Variants in PGBD5 observed in about 807,000 individuals in gnomAD.
PGBD5 encodes piggyBac transposable element-derived protein 5.
Under a neutral mutation model 47.9 loss-of-function variants are expected in PGBD5, and 14 were observed. The ratio of observed to expected loss-of-function variants is 0.29; its 90% CI spans 0.19 to 0.46. The LOEUF is 0.46. Ranked by LOEUF, PGBD5 falls within the 20% of genes least tolerant of loss-of-function variation. The pLI, the probability that PGBD5 is intolerant of heterozygous loss-of-function variation, is 1.00. For synonymous variants in PGBD5, 316 were observed against 306.3 expected, an observed-to-expected ratio of 1.03 and a Z score of -0.33; for missense variants, 635 against 716.0, an observed-to-expected ratio of 0.89 and a Z score of 1.29.
chr1:230,365,201 T>C (rs1667808328), intron 1 of PGBD5, among the ~76,000 whole-genome samples: 1 of 148,342 alleles, frequency 6.7e-6, no homozygotes, highest in Non-Finnish European at 1.5e-5. Context: ...TAGTCCCAGC[T>C]ACTCAGGAGG....
chr1:230,372,375 C>T (rs1012531034), intron 1 of PGBD5, among the ~76,000 whole-genome samples: 4 of 152,206 alleles, frequency 2.6e-5, no homozygotes. Flanking sequence ...TCTTGATCTT[C>T]ATACAAAAAG....
chr1:230,341,754 C>A (rs1031187675), intron 3 of PGBD5, among the ~76,000 whole-genome samples: 7 of 152,156 alleles, frequency 4.6e-5, no homozygotes, highest in African/African-American at 1.7e-4. Flanking sequence ...GACTTCCTAT[C>A]ACTGGGCAAA....
chr1:230,319,075 G>A lies in PGBD5; in HGVS notation c.*4350C>T, dbSNP rs1278073375. On this transcript the variant is annotated 3_prime_UTR_variant, in exon 7 of 7. Coordinates refer to ENST00000391860, the MANE Select transcript of PGBD5 (RefSeq NM_001258311.2). Reference sequence around the variant, plus strand: ...GTCAGGGATAAAATCCCCCGTCCTCGTGATGAATCAGGACAGCCAGTGCCC... The same window carrying A: ...GTCAGGGATAAAATCCCCCGTCCTCATGATGAATCAGGACAGCCAGTGCCC... 2.6e-5 allele frequency: 4 copies of A among 152,386 alleles called. No individual in the cohort carries two copies. The highest frequency in any genetic ancestry group is 2.9e-5 in the Non-Finnish European group (2 of 68,070). The allele number at this position is 152,386 out of a possible 1,614,324, so 9.4% of individuals were successfully genotyped here.
intron 1 of PGBD5, among the ~76,000 whole-genome samples, chr1:230,386,362 T>G (rs140529195): frequency 2.5e-3 from 386 of 152,240 alleles, no homozygotes; most frequent in African/African-American, 8.7e-3. Context: ...CAACCTCTTA[T>G]TATGTGAATA....
chr1:230,421,623 C>T (rs1396862082), intron 1 of PGBD5, among the ~76,000 whole-genome samples: 3 of 152,130 alleles, frequency 2.0e-5, no homozygotes, highest in Admixed American at 1.3e-4. Context: ...CCAGTTTCAC[C>T]CCCTACATGA....
chr1:230,388,053 C>G (rs945233005), intron 1 of PGBD5, among the ~76,000 whole-genome samples: 2 of 152,088 alleles, frequency 1.3e-5, no homozygotes, highest in East Asian at 3.9e-4. Flanking sequence ...TCTACTGCTC[C>G]CAGCAGCCCC....
At chr1:230,324,875 C>T (rs925941055) in intron 6 of PGBD5, among the ~76,000 whole-genome samples, 4 of 152,174 alleles carry the variant, frequency 2.6e-5, no homozygotes, top group African/African-American at 9.7e-5. Context: ...AATTAAGGCA[C>T]CCGTGCTAGA....
At chr1:230,405,194 C>CAA (rs572023424) in intron 1 of PGBD5, among the ~76,000 whole-genome samples, 3 of 120,058 alleles carry the variant, frequency 2.5e-5, no homozygotes, top group East Asian at 2.4e-4. Flanking sequence ...GACTCCACCT[C>CAA]AAAAAAAAAA....
rs1667002127 is a variant in PGBD5 at position 230,319,425 on chromosome 1, A to ATG, written c.*3998_*3999dup. Reference sequence around the variant, plus strand: ...GCCCCAATCCCAGGCAAGTGGGGAAATGTTTTTTTTTTGCCATGAATGCAG... The same window carrying ATG: ...GCCCCAATCCCAGGCAAGTGGGGAAATGTGTTTTTTTTTTGCCATGAATGCAG... On this transcript the variant is annotated 3_prime_UTR_variant, in exon 7 of 7. Coordinates refer to ENST00000391860, the MANE Select transcript of PGBD5 (RefSeq NM_001258311.2). 1 of 150,960 alleles carries ATG rather than the reference A, an allele frequency of 6.6e-6. No homozygotes were observed. The highest frequency in any genetic ancestry group is 2.4e-5 in the African/African-American group (1 of 41,094). 9.4% of individuals were successfully genotyped at this position (150,960 alleles called of 1,614,324 possible).
rs755655191 is a variant in PGBD5, at chr1:230,351,000, G to A, written c.852C>T (p.Ser284=). 6.2e-7 allele frequency: 1 copy of A among 1,614,170 alleles called. No homozygotes were observed. Among genetic ancestry groups the A allele is most frequent in the Non-Finnish European group, 8.5e-7 (1 of 1,180,012 alleles). The change falls in exon 3 of 7, where the codon AGC becomes AGT. Residue 284 remains serine (S), a synonymous_variant. Coordinates refer to ENST00000391860, the MANE Select transcript of PGBD5 (RefSeq NM_001258311.2). ...TGGAAGAACATTGTCTGACCCAGAG[G>A]CTGAATTTCCGCTTTTTCCTCTTTC... ...ELRKRKKRKF[S]LWVRQCSSTG...
At chr1:230,408,425 C>T (rs1290529429) in intron 1 of PGBD5, among the ~76,000 whole-genome samples, 1 of 152,036 alleles carries the variant, frequency 6.6e-6, no homozygotes, top group East Asian at 1.9e-4. Context: ...ATAAGAATTC[C>T]TGATATAGAA....
At chr1:230,398,116 C>T (rs891658546) in intron 1 of PGBD5, among the ~76,000 whole-genome samples, 5 of 152,180 alleles carry the variant, frequency 3.3e-5, no homozygotes, top group Admixed American at 1.3e-4. Flanking sequence ...GAGCTGAGAC[C>T]GCTCCATCTG....
At chr1:230,392,537 G>A (rs1354705156) in intron 1 of PGBD5, among the ~76,000 whole-genome samples, 1 of 152,202 alleles carries the variant, frequency 6.6e-6, no homozygotes, top group African/African-American at 2.4e-5. Flanking sequence ...GCTCGCAGGA[G>A]CCCTGGGAGG....
At chr1:230,344,993 T>A (rs572826606) in intron 3 of PGBD5, among the ~76,000 whole-genome samples, 9 of 152,164 alleles carry the variant, frequency 5.9e-5, no homozygotes, top group Non-Finnish European at 1.2e-4. Flanking sequence ...TCAGTGTTCA[T>A]CCATCTGTCA....
intron 4 of PGBD5, among the ~76,000 whole-genome samples, chr1:230,334,424 G>A (rs1667269971): frequency 6.6e-6 from 1 of 152,240 alleles, no homozygotes; most frequent in African/African-American, 2.4e-5. Context: ...GTTCGTAAGA[G>A]GGAAAGAACA....
chr1:230,412,106 G>A (rs1657422288), intron 1 of PGBD5, among the ~76,000 whole-genome samples: 1 of 152,032 alleles, frequency 6.6e-6, no homozygotes, highest in Admixed American at 6.6e-5. Flanking sequence ...GAAGGAGAAG[G>A]GAGGGAAATT....
intron 3 of PGBD5, among the ~76,000 whole-genome samples, chr1:230,350,741 C>T (rs1234614703): frequency 1.3e-5 from 2 of 152,210 alleles, no homozygotes; most frequent in East Asian, 3.9e-4. Context: ...GGAACGGGGC[C>T]AGGGGTGGCA....
chr1:230,409,351 C>T (rs778614884), intron 1 of PGBD5, among the ~76,000 whole-genome samples: 8 of 152,224 alleles, frequency 5.3e-5, no homozygotes, highest in Non-Finnish European at 1.0e-4. Flanking sequence ...AGCAACTCCA[C>T]TCCTGGGTAT....
rs75701701 is a variant in PGBD5, at chr1:230,341,202, T to G, written c.895-3914A>C. On this transcript the variant is annotated intron_variant, in intron 3 of 6. Transcript: ENST00000391860. ...AATAAATACAAAAAAGAGGTAACCT[T>G]GAAAGTCTCAGTTGAGGGCATGATT... Among the ~76,000 whole-genome samples the G allele has an allele frequency of 6.4e-4, 98 of 152,180 alleles. 1 individual carries two copies. The East Asian group carries it at 0.014, about 21-fold the overall frequency.
Sources: gnomAD v4.1 joint callset for allele counts (sites outside exome capture counted in the v4.1 genomes callset) on GRCh38, gnomAD v4.1.1 for gene constraint, MANE v1.5 for transcripts, NCBI Gene and HGNC (gene_info 2026-07-23, HGNC 2026-07-21) for gene names.